Variants in GAS7 observed in about 807,000 individuals in gnomAD.
The protein encoded by GAS7 is growth arrest-specific protein 7.
GAS7 carries 28 observed loss-of-function variants against 71.1 expected under a neutral mutation model. The ratio of observed to expected loss-of-function variants is 0.39; its 90% confidence interval spans 0.29 to 0.54. GAS7 has a LOEUF of 0.54. Ranked by LOEUF, GAS7 falls within the 20% of genes least tolerant of loss-of-function variation. GAS7 has a pLI of 0.62. For missense variants in GAS7, 436 were observed against 627.8 expected (o/e 0.69, Z 3.27); for synonymous variants, 258 against 245.8 (o/e 1.05, Z -0.46).
intron 4 of GAS7, among the ~76,000 whole-genome samples, chr17:9,965,046 A>C (rs2069650127): frequency 6.6e-6 from 1 of 152,168 alleles, no homozygotes; most frequent in African/African-American, 2.4e-5. Flanking sequence ...TGGATCACAA[A>C]AAGGCCCAGG....
At chr17:9,990,194 G>A (rs928408045) in intron 2 of GAS7, among the ~76,000 whole-genome samples, 5 of 152,150 alleles carry the variant, frequency 3.3e-5, no homozygotes, top group African/African-American at 9.7e-5. Flanking sequence ...GCATGAACCC[G>A]GGAGGCAGAG....
At chr17:9,918,700 G>C (rs1018576100) in intron 12 of GAS7, among the ~76,000 whole-genome samples, 1 of 152,218 alleles carries the variant, frequency 6.6e-6, no homozygotes, top group African/African-American at 2.4e-5. Context: ...GAGGCAGACT[G>C]GGCTGCACGT....
intron 1 of GAS7, among the ~76,000 whole-genome samples, chr17:10,104,173 C>T (rs1457983339): frequency 6.6e-6 from 1 of 152,184 alleles, no homozygotes; most frequent in Non-Finnish European, 1.5e-5. Context: ...CCTTCCCACT[C>T]CACTGAGCCT....
rs369164323 is a variant in GAS7, at chr17:9,946,455, C to G, written c.615+439G>C. 6.6e-5 allele frequency among the ~76,000 whole-genome samples: 10 copies of G among 152,316 alleles called. No individual in the cohort carries two copies. The South Asian group carries it at 2.1e-3, about 32-fold the overall frequency. On this transcript the variant is annotated intron_variant, in intron 6 of 13. Transcript: ENST00000432992. The stretch of plus-strand genomic sequence containing the variant: ...TTTTAAAACTACAGGATTACCCAAG[C>G]TGGAGCTCTCTGAAGATCCTGTGCC...
intron 1 of GAS7, among the ~76,000 whole-genome samples, chr17:10,101,327 A>G (rs1403269529): frequency 6.6e-6 from 1 of 152,206 alleles, no homozygotes; most frequent in African/African-American, 2.4e-5. Context: ...TTCTTGCCAC[A>G]TGCGTCTCTC....
chr17:9,927,464 A>G, intron 9 of GAS7, among the ~76,000 whole-genome samples: 1 of 151,508 alleles, frequency 6.6e-6, no homozygotes, highest in East Asian at 1.9e-4. Context: ...TGGGTGACAG[A>G]GTGAGACTTG....
At chr17:10,121,771 T>A (rs1008174986) in intron 1 of GAS7, among the ~76,000 whole-genome samples, 1 of 152,050 alleles carries the variant, frequency 6.6e-6, no homozygotes, top group Admixed American at 6.6e-5. Flanking sequence ...CAAGCATGCT[T>A]CCCTGTACCC....
intron 1 of GAS7, among the ~76,000 whole-genome samples, chr17:10,193,260 C>CAAAAAAA (rs57261260): frequency 1.1e-4 from 12 of 113,448 alleles, no homozygotes; most frequent in African/African-American, 3.7e-4. Context: ...CCTCTAGAGT[C>CAAAAAAA]AAAAAAAAAA....
At chr17:9,970,857 C>T (rs759730539) in intron 3 of GAS7, among the ~76,000 whole-genome samples, 2 of 152,174 alleles carry the variant, frequency 1.3e-5, no homozygotes, top group South Asian at 2.1e-4. Flanking sequence ...GCTACACGCA[C>T]GCTCCTGACA....
At chr17:10,169,800 C>G (rs537843864) in intron 1 of GAS7, among the ~76,000 whole-genome samples, 1 of 152,236 alleles carries the variant, frequency 6.6e-6, no homozygotes, top group South Asian at 2.1e-4. Flanking sequence ...AAATTTATAC[C>G]TACCTTGAAT....
chr17:10,084,893 C>T (rs890719517), intron 1 of GAS7, among the ~76,000 whole-genome samples: 2 of 152,180 alleles, frequency 1.3e-5, no homozygotes, highest in African/African-American at 2.4e-5. Context: ...AAGCGGTCCC[C>T]GGTGGCTCCT....
chr17:10,165,694 A>G (rs916963403), intron 1 of GAS7, among the ~76,000 whole-genome samples: 17 of 152,160 alleles, frequency 1.1e-4, no homozygotes, highest in Non-Finnish European at 2.1e-4. Context: ...GCATTTTTAC[A>G]CCATACTTAC....
intron 1 of GAS7, among the ~76,000 whole-genome samples, chr17:10,165,331 A>C (rs775055051): frequency 4.0e-5 from 6 of 151,090 alleles, no homozygotes; most frequent in Non-Finnish European, 7.4e-5. Context: ...AGAAAAGTTT[A>C]ACTCTTCATG....
chr17:9,937,501 A>G (rs2068443925), intron 8 of GAS7, among the ~76,000 whole-genome samples: 1 of 152,178 alleles, frequency 6.6e-6, no homozygotes, highest in South Asian at 2.1e-4. Context: ...CCGTGCATGG[A>G]GCAGAAGGAG....
chr17:10,078,018 G>A (rs929323585), intron 1 of GAS7, among the ~76,000 whole-genome samples: 2 of 151,944 alleles, frequency 1.3e-5, no homozygotes, highest in Admixed American at 6.6e-5. Flanking sequence ...GTGGTGATAG[G>A]TGACAGTACA....
At chr17:10,010,210 C>T (rs1356710714) in intron 2 of GAS7, among the ~76,000 whole-genome samples, 4 of 151,622 alleles carry the variant, frequency 2.6e-5, no homozygotes, top group South Asian at 2.1e-4. Context: ...AGTGCAGTGG[C>T]GTGATCTTGG....
At chr17:10,028,782 G>A (rs1280065583) in intron 1 of GAS7, among the ~76,000 whole-genome samples, 1 of 152,126 alleles carries the variant, frequency 6.6e-6, no homozygotes, top group Non-Finnish European at 1.5e-5. Context: ...CACATTGGTT[G>A]CAATAAAACA....
chr17:9,990,775 T>C (rs2070810808), intron 2 of GAS7, among the ~76,000 whole-genome samples: 1 of 152,166 alleles, frequency 6.6e-6, no homozygotes, highest in Non-Finnish European at 1.5e-5. Flanking sequence ...AGGGCAGTAG[T>C]TCTCAAAGTA....
chr17:10,115,188 G>T (rs1386563592), intron 1 of GAS7, among the ~76,000 whole-genome samples: 1 of 152,234 alleles, frequency 6.6e-6, no homozygotes, highest in African/African-American at 2.4e-5. Flanking sequence ...GGGCTTATGG[G>T]ATGGAGGAAA....
Sources: gnomAD v4.1 joint callset for allele counts (sites outside exome capture counted in the v4.1 genomes callset) on GRCh38, gnomAD v4.1.1 for gene constraint, MANE v1.5 for transcripts, NCBI Gene and HGNC (gene_info 2026-07-23, HGNC 2026-07-21) for gene names.